FAM184A: variants seen among roughly 807,000 people sequenced by gnomAD.
The protein encoded by FAM184A is protein FAM184A.
A neutral mutation model predicts 143.8 loss-of-function variants in FAM184A; 99 were observed. The ratio of observed to expected loss-of-function variants is 0.69; its 90% CI spans 0.58 to 0.81. FAM184A has a LOEUF of 0.81. Among genes scored for constraint, FAM184A ranks in the 40% least tolerant of loss-of-function variants. FAM184A has a pLI of 0.00. For synonymous variants in FAM184A, 427 were observed against 446.4 expected, an observed-to-expected ratio of 0.96 and a Z score of 0.55; for missense variants, 1,217 against 1,310.5, an observed-to-expected ratio of 0.93 and a Z score of 1.10.
At chr6:119,098,594 A>C (rs990164810) in intron 1 of FAM184A, among the ~76,000 whole-genome samples, 2 of 152,168 alleles carry the variant, frequency 1.3e-5, no homozygotes, top group African/African-American at 4.8e-5. Context: ...GTAGATTCAA[A>C]ATTTTTTTAT....
chr6:119,099,222 T>G (rs182376170), intron 1 of FAM184A, among the ~76,000 whole-genome samples: 77 of 152,184 alleles, frequency 5.1e-4, no homozygotes, highest in African/African-American at 1.8e-3. Flanking sequence ...ATGCATCTCT[T>G]CATCGTATCC....
intron 9 of FAM184A, among the ~76,000 whole-genome samples, chr6:118,986,454 C>T (rs893099532): frequency 2.0e-5 from 3 of 152,166 alleles, no homozygotes; most frequent in Non-Finnish European, 4.4e-5. Context: ...GGGGTACACA[C>T]CATGTACAGA....
chr6:119,068,234 A>C (rs998308238), intron 1 of FAM184A, among the ~76,000 whole-genome samples: 1 of 152,036 alleles, frequency 6.6e-6, no homozygotes, highest in Non-Finnish European at 1.5e-5. Context: ...TTTAGTAGAG[A>C]CAGGGTTTCA....
rs185242641 is a variant in FAM184A, at chr6:119,075,231, A to T, written c.159+2910T>A. Among the ~76,000 whole-genome samples, 4 of 152,234 alleles carry T rather than the reference A, an allele frequency of 2.6e-5. No individual in the cohort carries two copies. The South Asian group carries it at 6.2e-4, about 24-fold the overall frequency. ...AAAAAACTACTATATATACATTTTT[A>T]AAGAGTTTAGCAGAAAACCCTCAAA... On this transcript the variant is annotated intron_variant, in intron 1 of 17. Coordinates refer to ENST00000338891, the MANE Select transcript of FAM184A (RefSeq NM_024581.6).
At chr6:119,044,107 C>T (rs886441389) in intron 1 of FAM184A, among the ~76,000 whole-genome samples, 2 of 152,144 alleles carry the variant, frequency 1.3e-5, no homozygotes, top group African/African-American at 4.8e-5. Context: ...AAGCCTTAGA[C>T]TGATTAAGAC....
chr6:119,043,095 G>C (rs936492938), intron 1 of FAM184A, among the ~76,000 whole-genome samples: 1 of 152,002 alleles, frequency 6.6e-6, no homozygotes, highest in Non-Finnish European at 1.5e-5. Flanking sequence ...ATCTGATGGG[G>C]TTCCAGTTTC....
chr6:119,120,887 G>T, intron 1 of FAM184A, among the ~76,000 whole-genome samples: 1 of 126,976 alleles, frequency 7.9e-6, no homozygotes, highest in Admixed American at 9.2e-5. Flanking sequence ...TTGTTCTGTT[G>T]CCCAGGCTGG....
chr6:118,980,146 C>T lies in FAM184A; in HGVS notation c.2293G>A (p.Glu765Lys), dbSNP rs1783978143. 1.2e-6 allele frequency: 2 copies of T among 1,613,432 alleles called. No individual in the cohort carries two copies. The highest frequency in any genetic ancestry group is 2.2e-5 in the South Asian group (2 of 91,046). ...FQTMEEEKEK[E>K]QRALENHLQQ... The stretch of plus-strand genomic sequence containing the variant: ...TGTCACATAAAACTTACTCTTTGCT[C>T]CTTTTCCTTTTCCTCTTCCATAGTT... The change falls in exon 10 of 18, where the codon GAG becomes AAG. Residue 765 changes from glutamate (E) to lysine (K), a missense_variant. By Grantham distance (56) the Glu-to-Lys change is moderately conservative (BLOSUM62 1). Coordinates refer to ENST00000338891, the MANE Select transcript of FAM184A (RefSeq NM_024581.6).
chr6:119,089,361 A>G (rs1788312466), intron 1 of FAM184A, among the ~76,000 whole-genome samples: 1 of 151,442 alleles, frequency 6.6e-6, no homozygotes, highest in African/African-American at 2.4e-5. Context: ...CTGCCACCAC[A>G]CCTGGCTATT....
intron 1 of FAM184A, among the ~76,000 whole-genome samples, chr6:119,058,914 T>G (rs1787112129): frequency 6.6e-6 from 1 of 152,158 alleles, no homozygotes; most frequent in Non-Finnish European, 1.5e-5. Flanking sequence ...AATTCCTACC[T>G]CAATAATTTG....
intron 1 of FAM184A, among the ~76,000 whole-genome samples, chr6:119,124,278 T>G (rs932787933): frequency 6.6e-6 from 1 of 152,196 alleles, no homozygotes; most frequent in Non-Finnish European, 1.5e-5. Flanking sequence ...CTTGAAAACT[T>G]CTTATATATG....
At chr6:119,134,461 G>T (rs1233952241) in intron 1 of FAM184A, among the ~76,000 whole-genome samples, 1 of 152,010 alleles carries the variant, frequency 6.6e-6, no homozygotes, top group Non-Finnish European at 1.5e-5. Flanking sequence ...AGACCAGCCT[G>T]AGCAATGTAG....
intron 1 of FAM184A, among the ~76,000 whole-genome samples, chr6:119,043,175 T>C (rs1786408016): frequency 6.6e-6 from 1 of 152,092 alleles, no homozygotes; most frequent in Non-Finnish European, 1.5e-5. Flanking sequence ...TATAAATTCA[T>C]CAATTTTCAT....
chr6:119,136,472 C>A (rs181414216), intron 1 of FAM184A, among the ~76,000 whole-genome samples: 1 of 151,994 alleles, frequency 6.6e-6, no homozygotes, highest in Non-Finnish European at 1.5e-5. Context: ...AAATTGGCAG[C>A]GCAGATTTGA....
chr6:119,137,895 C>T (rs971578594), intron 1 of FAM184A, among the ~76,000 whole-genome samples: 5 of 152,192 alleles, frequency 3.3e-5, no homozygotes, highest in Non-Finnish European at 7.3e-5. Flanking sequence ...GTAGTGTTTC[C>T]TCTTCTGTCT....
At chr6:119,093,276 C>T (rs931407752) in intron 1 of FAM184A, among the ~76,000 whole-genome samples, 6 of 152,030 alleles carry the variant, frequency 3.9e-5, no homozygotes, top group Admixed American at 1.3e-4. Flanking sequence ...GCCTTCTGAC[C>T]TTTTTTTAAA....
chr6:119,063,165 A>G (rs184506360), intron 1 of FAM184A, among the ~76,000 whole-genome samples: 1 of 152,360 alleles, frequency 6.6e-6, no homozygotes, highest in East Asian at 1.9e-4. Context: ...TTTTCAGATG[A>G]TAAAATATGC....
chr6:119,129,264 C>T (rs1367569950), intron 1 of FAM184A, among the ~76,000 whole-genome samples: 1 of 152,178 alleles, frequency 6.6e-6, no homozygotes, highest in Non-Finnish European at 1.5e-5. Context: ...TTCTCAGGAC[C>T]TCCTGAGGAT....
intron 1 of FAM184A, among the ~76,000 whole-genome samples, chr6:119,141,703 C>A (rs1205269456): frequency 6.6e-6 from 1 of 152,004 alleles, no homozygotes; most frequent in Admixed American, 6.6e-5. Context: ...TCTTGAACTT[C>A]TGACCTCAAA....
Sources: gnomAD v4.1 joint callset for allele counts (sites outside exome capture counted in the v4.1 genomes callset) on GRCh38, gnomAD v4.1.1 for gene constraint, MANE v1.5 for transcripts, NCBI Gene and HGNC (gene_info 2026-07-23, HGNC 2026-07-21) for gene names.